HMGCLL1: variants seen among roughly 807,000 people sequenced by gnomAD.
HMGCLL1 encodes 3-hydroxymethyl-3-methylglutaryl-CoA lyase, cytoplasmic.
Under a neutral mutation model 39.1 loss-of-function variants are expected in HMGCLL1, and 36 were observed. The observed-to-expected ratio is 0.92, with a 90% confidence interval of 0.71 to 1.22. The LOEUF (loss-of-function observed/expected upper bound fraction) is 1.22. HMGCLL1 is among the 50% of genes most tolerant of loss of function. The pLI is 0.00. For missense variants in HMGCLL1, 451 were observed against 416.5 expected, an observed-to-expected ratio of 1.08 and a Z score of -0.72; for synonymous variants, 149 against 144.0, an observed-to-expected ratio of 1.03 and a Z score of -0.25.
intron 7 of HMGCLL1, among the ~76,000 whole-genome samples, chr6:55,467,192 T>G (rs998579411): frequency 6.6e-6 from 1 of 152,106 alleles, no homozygotes. Flanking sequence ...AGTGAAATTA[T>G]GGCATCAACT....
rs778106453 is a variant in HMGCLL1, at chr6:55,495,421, G to C, written c.793C>G (p.Gln265Glu). 1 of 1,612,628 alleles carries C rather than the reference G, an allele frequency of 6.2e-7. No individual in the cohort carries two copies. The highest frequency in any genetic ancestry group is 1.7e-5 in the Admixed American group (1 of 59,792). The stretch of plus-strand genomic sequence containing the variant: ...AACACACAAAGAGTACAAAATACCT[G>C]AAGGGCCGTAAGGATATTTGCTAAG... Reference protein sequence around the residue: ...QALANILTALQMGINVVDSAV... With the variant: ...QALANILTALEMGINVVDSAV... The change falls in exon 7 of 9, where the codon CAG becomes GAG. Residue 265 changes from glutamine (Q) to glutamate (E), a missense_variant and splice_region_variant. Gln to Glu is a conservative substitution (Grantham distance 29). Transcript: ENST00000274901.
chr6:55,585,313 C>A, the HMGCLL1 span, among the ~76,000 whole-genome samples: 1 of 152,048 alleles, frequency 6.6e-6, no homozygotes, highest in African/African-American at 2.4e-5. Context: ...ATTAGCTTTG[C>A]CAACTGTATT....
At chr6:55,615,374 C>G in the HMGCLL1 span, among the ~76,000 whole-genome samples, 1 of 152,082 alleles carries the variant, frequency 6.6e-6, no homozygotes, top group South Asian at 2.1e-4. Flanking sequence ...GAATCTCAAG[C>G]TAGCAGTTGG....
At chr6:55,664,000 T>G in the HMGCLL1 span, among the ~76,000 whole-genome samples, 1 of 151,910 alleles carries the variant, frequency 6.6e-6, no homozygotes, top group African/African-American at 2.4e-5. Context: ...ATCTCTGCAT[T>G]TTTTCTAATT....
intron 7 of HMGCLL1, among the ~76,000 whole-genome samples, chr6:55,485,711 C>T (rs919808176): frequency 2.6e-5 from 4 of 151,646 alleles, no homozygotes; most frequent in Non-Finnish European, 4.4e-5. Flanking sequence ...TTCAGCCCCA[C>T]GAAACAAATG....
chr6:55,484,657 C>T (rs1178062618), intron 7 of HMGCLL1, among the ~76,000 whole-genome samples: 1 of 152,064 alleles, frequency 6.6e-6, no homozygotes, highest in Non-Finnish European at 1.5e-5. Context: ...CATTTTCTTT[C>T]CCTTTTAGAC....
rs546064558 is a variant in HMGCLL1, at chr6:55,435,586, T to C, written c.*76A>G. The C allele has an allele frequency of 1.1e-5, 8 of 714,688 alleles. No individual in the cohort carries two copies. Among genetic ancestry groups the C allele is most frequent in the South Asian group, 6.7e-5 (3 of 45,000 alleles). The allele number at this position is 714,688 out of a possible 1,614,324, so 44.3% of individuals were successfully genotyped here. ...CCATTACTTCACATATCAGAGCAAG[T>C]TGGCATTAATGATTTTCAGATGAGT... On this transcript the variant is annotated 3_prime_UTR_variant, in exon 9 of 9. Coordinates refer to ENST00000274901, the MANE Select transcript of HMGCLL1 (RefSeq NM_001042406.2).
the HMGCLL1 span, among the ~76,000 whole-genome samples, chr6:55,676,914 T>G: frequency 6.6e-6 from 1 of 152,228 alleles, no homozygotes; most frequent in Non-Finnish European, 1.5e-5. Context: ...GCTTTTGCAT[T>G]TGCTTGGCAC....
At chr6:55,589,055 T>C in the HMGCLL1 span, among the ~76,000 whole-genome samples, 3 of 152,168 alleles carry the variant, frequency 2.0e-5, no homozygotes, top group Non-Finnish European at 4.4e-5. Context: ...ACTCATTTTA[T>C]GAGGCCAGCA....
chr6:55,608,268 T>C, the HMGCLL1 span, among the ~76,000 whole-genome samples: 1 of 152,194 alleles, frequency 6.6e-6, no homozygotes, highest in African/African-American at 2.4e-5. Context: ...ACTTATACAG[T>C]TACATATATC....
chr6:55,568,923 G>C (rs1005861180), intron 1 of HMGCLL1, among the ~76,000 whole-genome samples: 13 of 151,918 alleles, frequency 8.6e-5, no homozygotes, highest in African/African-American at 3.1e-4. Context: ...GAAAGGGTCA[G>C]GGAAAGTTAC....
chr6:55,635,129 T>A, the HMGCLL1 span, among the ~76,000 whole-genome samples: 1 of 152,040 alleles, frequency 6.6e-6, no homozygotes, highest in African/African-American at 2.4e-5. Context: ...TTCATGTCAT[T>A]CTCAAGAGCT....
At chr6:55,568,979 G>A (rs575543265) in intron 1 of HMGCLL1, among the ~76,000 whole-genome samples, 8 of 151,912 alleles carry the variant, frequency 5.3e-5, no homozygotes, top group Non-Finnish European at 8.8e-5. Context: ...ACTTGGAGGA[G>A]CTCAGAGCTA....
intron 3 of HMGCLL1, among the ~76,000 whole-genome samples, chr6:55,524,419 T>G (rs535623605): frequency 6.6e-6 from 1 of 150,422 alleles, no homozygotes; most frequent in Admixed American, 6.7e-5. Context: ...TTAAAATTAA[T>G]ATTTATTTTC....
intron 1 of HMGCLL1, chr6:55,566,493 G>A (rs1302148061): frequency 5.3e-6 from 2 of 380,158 alleles, no homozygotes; most frequent in African/African-American, 4.2e-5. Flanking sequence ...GGTGACATTT[G>A]AGGCACTTAC....
intron 1 of HMGCLL1, among the ~76,000 whole-genome samples, chr6:55,546,977 A>G (rs1770014868): frequency 6.6e-6 from 1 of 152,036 alleles, no homozygotes. Flanking sequence ...TAAAAGAAAT[A>G]CTATCTTGAA....
the HMGCLL1 span, among the ~76,000 whole-genome samples, chr6:55,677,114 C>T: frequency 1.3e-5 from 2 of 152,146 alleles, no homozygotes; most frequent in African/African-American, 2.4e-5. Context: ...AAAATACTTC[C>T]GGCTGGGCAC....
chr6:55,483,620 A>G (rs1399623639), intron 7 of HMGCLL1, among the ~76,000 whole-genome samples: 1 of 152,188 alleles, frequency 6.6e-6, no homozygotes, highest in East Asian at 1.9e-4. Flanking sequence ...AAAATGTAAT[A>G]TAGAGACACA....
chr6:55,500,593 G>T (rs1241465066), intron 5 of HMGCLL1, among the ~76,000 whole-genome samples: 1 of 151,922 alleles, frequency 6.6e-6, no homozygotes, highest in African/African-American at 2.4e-5. Flanking sequence ...AGCCATTCAA[G>T]CAGTTATGAG....
Sources: allele counts gnomAD v4.1 joint callset (sites outside exome capture counted in the v4.1 genomes callset), GRCh38; gene constraint gnomAD v4.1.1; transcripts MANE v1.5; gene names NCBI Gene and HGNC (gene_info 2026-07-23, HGNC 2026-07-21).